TLE2: variants seen among roughly 807,000 people sequenced by gnomAD.
TLE2 encodes the protein transducin-like enhancer protein 2.
TLE2 carries 74 observed loss-of-function variants against 97.2 expected under a neutral mutation model. That is an observed-to-expected ratio of 0.76 (90% CI 0.63 to 0.92). The LOEUF is 0.92. Among genes scored for constraint, TLE2 ranks in the 40% least tolerant of loss-of-function variants. The pLI is 0.00. For missense variants in TLE2, 1,038 were observed against 1,008.7 expected, an observed-to-expected ratio of 1.03 and a Z score of -0.39; for synonymous variants, 499 against 432.1, an observed-to-expected ratio of 1.15 and a Z score of -1.92.
intron 5 of TLE2, among the ~76,000 whole-genome samples, chr19:3,021,617 C>A (rs953872180): frequency 6.6e-6 from 1 of 152,064 alleles, no homozygotes. Context: ...TAGTCTCACT[C>A]TGTTGCCCAG....
intron 1 of TLE2, among the ~76,000 whole-genome samples, chr19:3,034,569 C>CT (rs2090048582): frequency 6.6e-6 from 1 of 151,546 alleles, no homozygotes; most frequent in South Asian, 2.1e-4. Flanking sequence ...CCTCCCCCTC[C>CT]TTTTATGCCT....
intron 15 of TLE2, chr19:3,006,216 G>A (rs2089473167): frequency 3.0e-6 from 3 of 1,008,750 alleles, no homozygotes; most frequent in South Asian, 2.6e-5. Context: ...TGATTGTCTT[G>A]CAAGTCCAAT....
intron 12 of TLE2, 93 bp from the exon 13 acceptor site, chr19:3,009,795 T>C: frequency 6.8e-7 from 1 of 1,469,322 alleles, no homozygotes; most frequent in South Asian, 1.3e-5. Context: ...TCATTTAGAG[T>C]TTCCATGTGC....
chr19:3,034,654 C>T (rs559036868), intron 1 of TLE2, among the ~76,000 whole-genome samples: 4 of 152,004 alleles, frequency 2.6e-5, no homozygotes, highest in East Asian at 1.9e-4. Flanking sequence ...AGCCTCCTGT[C>T]TTCTTCGCCT....
upstream of TLE2, among the ~76,000 whole-genome samples, chr19:3,030,778 A>G (rs2145219087): frequency 6.6e-6 from 1 of 152,018 alleles, no homozygotes; most frequent in East Asian, 1.9e-4. Flanking sequence ...TGTTTTTTGT[A>G]TCTCTACAAA....
chr19:3,017,803 A>G, intron 8 of TLE2, 37 bp downstream of exon 8: 2 of 1,605,096 alleles, frequency 1.2e-6, no homozygotes, highest in Non-Finnish European at 1.7e-6. Context: ...TGGCCTCCCA[A>G]GAATATAAAA....
At chr19:3,041,014 T>TATATATA (rs55998855) in intron 1 of TLE2, among the ~76,000 whole-genome samples, 8 of 20,156 alleles carry the variant, frequency 4.0e-4, no homozygotes, top group South Asian at 2.6e-3. Flanking sequence ...TATATATATA[T>TATATATA]TTTTTTTTTT....
intron 1 of TLE2, among the ~76,000 whole-genome samples, chr19:3,042,016 G>A (rs1432733477): frequency 6.6e-6 from 1 of 151,848 alleles, no homozygotes; most frequent in Non-Finnish European, 1.5e-5. Context: ...CATTAGCCAC[G>A]CGGGCCCGGC....
intron 17 of TLE2, among the ~76,000 whole-genome samples, chr19:3,003,744 G>A (rs765168235): frequency 2.0e-5 from 3 of 151,316 alleles, no homozygotes; most frequent in East Asian, 2.0e-4. Context: ...TTGCTCTGTC[G>A]CCCAGGCTGG....
chr19:3,002,620 C>G, intron 17 of TLE2, 117 bp from the exon 18 acceptor site: 5 of 1,279,448 alleles, frequency 3.9e-6, no homozygotes, highest in Non-Finnish European at 5.3e-6. Context: ...CTCACTGCAG[C>G]CTTGACCTCC....
Position 3,020,201 on chromosome 19 carries a change from AT to A in TLE2, c.295-429del, listed in dbSNP as rs1248565742. 4.4e-5 allele frequency: 8 copies of A among 180,582 alleles called. No homozygotes were observed. In the South Asian group the frequency reaches 7.3e-4, roughly 16 times the overall value. The allele number at this position is 180,582 out of a possible 1,614,324, so 11.2% of individuals were successfully genotyped here. ...CAGTGAGCCGAGATCGTGCCAATGC[AT>A]TCCAGCCTGGGTGACAGAGCGAGAC... On this transcript the variant is annotated intron_variant, in intron 5 of 19. Coordinates refer to ENST00000262953, the MANE Select transcript of TLE2 (RefSeq NM_003260.5).
At chr19:3,001,882 C>T (rs547061368) in intron 18 of TLE2, among the ~76,000 whole-genome samples, 1 of 150,400 alleles carries the variant, frequency 6.6e-6, no homozygotes, top group Non-Finnish European at 1.5e-5. Context: ...ACTGCGACCT[C>T]CACCTCCCGG....
At chr19:3,013,423 G>A (rs2145154839) in intron 11 of TLE2, among the ~76,000 whole-genome samples, 2 of 152,080 alleles carry the variant, frequency 1.3e-5, no homozygotes, top group Middle Eastern at 3.4e-3. Context: ...TTCCATGTAA[G>A]GTAGTGAATT....
intron 1 of TLE2, among the ~76,000 whole-genome samples, chr19:3,039,642 G>A (rs1368516904): frequency 6.6e-6 from 1 of 152,046 alleles, no homozygotes; most frequent in Non-Finnish European, 1.5e-5. Context: ...CTGTGTGTAC[G>A]GTCTGCCCAG....
intron 5 of TLE2, among the ~76,000 whole-genome samples, chr19:3,024,133 T>C (rs2089899864): frequency 6.6e-6 from 1 of 151,260 alleles, no homozygotes; most frequent in African/African-American, 2.4e-5. Flanking sequence ...CCCGAGTAGC[T>C]GGGATTACAG....
At chr19:3,029,823 G>A (rs2090008175), upstream of TLE2, among the ~76,000 whole-genome samples, 1 of 152,088 alleles carries the variant, frequency 6.6e-6, no homozygotes. Context: ...CAGAGATAGG[G>A]TCTCCCTGTG....
chr19:3,016,399 C>T, intron 8 of TLE2, among the ~76,000 whole-genome samples: 1 of 141,082 alleles, frequency 7.1e-6, no homozygotes, highest in Middle Eastern at 3.5e-3. Flanking sequence ...CACGGTGAAA[C>T]CCCGTCTCTA....
At chr19:3,000,884 G>A (rs1384257291) in intron 18 of TLE2, among the ~76,000 whole-genome samples, 161 bp from the exon 19 acceptor site, 1 of 149,364 alleles carries the variant, frequency 6.7e-6, no homozygotes, top group Non-Finnish European at 1.5e-5. Context: ...GGAGTGCAGT[G>A]GTACAATCAT....
intron 1 of TLE2, among the ~76,000 whole-genome samples, chr19:3,039,289 C>T (rs1172076161): frequency 6.6e-6 from 1 of 151,526 alleles, no homozygotes; most frequent in Non-Finnish European, 1.5e-5. Flanking sequence ...CCTTCCATAG[C>T]TCCCTATTGC....
Sources: allele counts gnomAD v4.1 joint callset (sites outside exome capture counted in the v4.1 genomes callset), GRCh38; gene constraint gnomAD v4.1.1; transcripts MANE v1.5; gene names NCBI Gene and HGNC (gene_info 2026-07-23, HGNC 2026-07-21).